Variants in ASIC2 observed in about 807,000 individuals in gnomAD.
The protein encoded by ASIC2 is acid-sensing ion channel 2.
ASIC2 carries 25 observed loss-of-function variants against 57.3 expected under a neutral mutation model. The ratio of observed to expected loss-of-function variants is 0.44; its 90% confidence interval spans 0.32 to 0.61. The LOEUF (loss-of-function observed/expected upper bound fraction) is 0.61, where lower values mean the gene tolerates loss of function less well. Among genes scored for constraint, ASIC2 ranks in the 20% least tolerant of loss-of-function variants. The pLI is 0.06. For synonymous variants in ASIC2, 319 were observed against 307.5 expected (o/e 1.04, Z -0.39); for missense variants, 641 against 738.1 (o/e 0.87, Z 1.52).
At chr17:33,153,531 C>G (rs1046643802) in intron 1 of ASIC2, among the ~76,000 whole-genome samples, 4 of 152,192 alleles carry the variant, frequency 2.6e-5, no homozygotes, top group African/African-American at 9.7e-5. Context: ...GGGAGGGAGG[C>G]ATGGTGTCTG....
chr17:33,890,349 G>A (rs75448819), intron 1 of ASIC2, among the ~76,000 whole-genome samples: 10 of 152,310 alleles, frequency 6.6e-5, no homozygotes, highest in African/African-American at 2.4e-4. Flanking sequence ...CACCCATCCT[G>A]CATGGGTCAT....
At chr17:33,979,296 A>G (rs1905518214) in intron 1 of ASIC2, among the ~76,000 whole-genome samples, 1 of 152,090 alleles carries the variant, frequency 6.6e-6, no homozygotes, top group Non-Finnish European at 1.5e-5. Context: ...GACCTGGTAT[A>G]GCTGCTGCTC....
chr17:33,492,075 A>T (rs1168324189), intron 1 of ASIC2, among the ~76,000 whole-genome samples: 1 of 152,230 alleles, frequency 6.6e-6, no homozygotes, highest in East Asian at 1.9e-4. Context: ...TGCGTTTGCC[A>T]TTAGTCCTAG....
At chr17:33,695,943 G>A (rs1908512526) in intron 1 of ASIC2, among the ~76,000 whole-genome samples, 2 of 151,980 alleles carry the variant, frequency 1.3e-5, no homozygotes, top group South Asian at 4.2e-4. Context: ...GTATTATTCT[G>A]GTACTTGCTT....
intron 1 of ASIC2, among the ~76,000 whole-genome samples, chr17:33,452,738 GGTGTGTGT>G (rs35126239): frequency 5.3e-4 from 75 of 140,508 alleles, no homozygotes; most frequent in South Asian, 1.7e-3. Flanking sequence ...AACAGAGTGG[GGTGTGTGT>G]GTGTGTGTGT....
intron 1 of ASIC2, among the ~76,000 whole-genome samples, chr17:33,783,705 T>C (rs1234399628): frequency 1.3e-5 from 2 of 152,228 alleles, no homozygotes; most frequent in Non-Finnish European, 2.9e-5. Context: ...GCTGCTAATA[T>C]AAGTTTGAAA....
intron 1 of ASIC2, chr17:33,833,927 G>C (rs1399655506): frequency 6.6e-6 from 1 of 152,154 alleles, no homozygotes; most frequent in Non-Finnish European, 1.5e-5. Context: ...GCTGGGCTTG[G>C]TGGCACACAC....
chr17:33,356,808 C>A (rs1404931041), intron 1 of ASIC2, among the ~76,000 whole-genome samples: 1 of 152,006 alleles, frequency 6.6e-6, no homozygotes, highest in Admixed American at 6.5e-5. Flanking sequence ...CAATCACGGG[C>A]TTGATGCAGC....
At chr17:33,723,246 A>G (rs1909441385) in intron 1 of ASIC2, among the ~76,000 whole-genome samples, 1 of 152,226 alleles carries the variant, frequency 6.6e-6, no homozygotes, top group Non-Finnish European at 1.5e-5. Flanking sequence ...CTCAAAAACT[A>G]TATTGAATGA....
At chr17:33,207,578 G>C (rs1014454429) in intron 1 of ASIC2, among the ~76,000 whole-genome samples, 1 of 152,164 alleles carries the variant, frequency 6.6e-6, no homozygotes, top group African/African-American at 2.4e-5. Flanking sequence ...ACCAAGAATG[G>C]CATGAAGCAA....
At chr17:33,307,901 G>C (rs965573823) in intron 1 of ASIC2, among the ~76,000 whole-genome samples, 2 of 152,216 alleles carry the variant, frequency 1.3e-5, no homozygotes, top group Admixed American at 1.3e-4. Flanking sequence ...ATAAATGGTG[G>C]TTGTTAATAT....
chr17:33,481,649 T>C (rs1418625725), intron 1 of ASIC2, among the ~76,000 whole-genome samples: 3 of 152,232 alleles, frequency 2.0e-5, no homozygotes, highest in Admixed American at 2.0e-4. Flanking sequence ...TACACCTCTA[T>C]TGATTCATTA....
chr17:33,949,346 A>G (rs1419252525), intron 1 of ASIC2, among the ~76,000 whole-genome samples: 2 of 152,166 alleles, frequency 1.3e-5, no homozygotes, highest in African/African-American at 2.4e-5. Context: ...TTCGCTGGCC[A>G]TAGACTAGCA....
At chr17:33,839,045 C>T (rs542477892) in intron 1 of ASIC2, among the ~76,000 whole-genome samples, 3 of 152,326 alleles carry the variant, frequency 2.0e-5, no homozygotes, top group African/African-American at 7.2e-5. Flanking sequence ...ATGCACCACA[C>T]TTTAAAGAAT....
At chr17:33,608,278 G>A (rs937650475) in intron 1 of ASIC2, among the ~76,000 whole-genome samples, 1 of 152,158 alleles carries the variant, frequency 6.6e-6, no homozygotes, top group African/African-American at 2.4e-5. Context: ...GTGAGGTTCT[G>A]AGAGGTCGAG....
chr17:33,410,174 C>T (rs1910606554), intron 1 of ASIC2, among the ~76,000 whole-genome samples: 1 of 152,142 alleles, frequency 6.6e-6, no homozygotes, highest in Non-Finnish European at 1.5e-5. Flanking sequence ...AGCCTGGCCA[C>T]TCTGGATATC....
intron 1 of ASIC2, among the ~76,000 whole-genome samples, chr17:34,011,033 G>GTA (rs36171842): frequency 3.5e-4 from 1 of 2,832 alleles, no homozygotes; most frequent in African/African-American, 1.5e-3. Flanking sequence ...TCAGACACAT[G>GTA]CACACACACA....
chr17:33,877,286 C>T (rs371449855), intron 1 of ASIC2, among the ~76,000 whole-genome samples: 1 of 152,168 alleles, frequency 6.6e-6, no homozygotes, highest in Non-Finnish European at 1.5e-5. Flanking sequence ...ACAGTGGGTG[C>T]AGCACACCGA....
At chr17:33,937,819 T>C (rs954323750) in intron 1 of ASIC2, among the ~76,000 whole-genome samples, 1 of 152,224 alleles carries the variant, frequency 6.6e-6, no homozygotes, top group African/African-American at 2.4e-5. Flanking sequence ...CCACTGCTTT[T>C]AGAAAATTTT....
Sources: gnomAD v4.1 joint callset for allele counts (sites outside exome capture counted in the v4.1 genomes callset) on GRCh38, gnomAD v4.1.1 for gene constraint, MANE v1.5 for transcripts, NCBI Gene and HGNC (gene_info 2026-07-23, HGNC 2026-07-21) for gene names.